Variants in ARB2A observed in about 807,000 individuals in gnomAD.
The protein encoded by ARB2A is cotranscriptional regulator ARB2A.
the ARB2A span, chr5:93,958,760 C>A: frequency 4.1e-6 from 6 of 1,464,124 alleles, no homozygotes; most frequent in East Asian, 2.4e-5. Flanking sequence ...AAAAAAAACC[C>A]AGGAAATTGT....
At chr5:93,709,431 G>A in the ARB2A span, among the ~76,000 whole-genome samples, 37 of 151,844 alleles carry the variant, frequency 2.4e-4, no homozygotes, top group Admixed American at 9.2e-4. Flanking sequence ...TCAGGAGTTC[G>A]AGACAAGCCT....
the ARB2A span, chr5:94,053,230 A>G: frequency 7.0e-7 from 1 of 1,424,416 alleles, no homozygotes; most frequent in Non-Finnish European, 9.6e-7. Context: ...TAATAAATCT[A>G]GAAAAGAAAT....
chr5:94,068,110 T>A, the ARB2A span, among the ~76,000 whole-genome samples: 3 of 152,188 alleles, frequency 2.0e-5, no homozygotes, highest in Non-Finnish European at 4.4e-5. Flanking sequence ...ACTCCCAACA[T>A]GGCAGCAAGC....
the ARB2A span, among the ~76,000 whole-genome samples, chr5:93,949,297 G>C: frequency 1.3e-5 from 2 of 151,818 alleles, no homozygotes; most frequent in East Asian, 3.9e-4. Flanking sequence ...ATTACTTATT[G>C]TATGCCTGTA....
the ARB2A span, among the ~76,000 whole-genome samples, chr5:93,933,006 C>T: frequency 6.6e-6 from 1 of 152,128 alleles, no homozygotes; most frequent in African/African-American, 2.4e-5. Flanking sequence ...TGAACAGACA[C>T]TTATCAAAAG....
At chr5:94,036,018 T>TA in the ARB2A span, among the ~76,000 whole-genome samples, 88 of 151,376 alleles carry the variant, frequency 5.8e-4, no homozygotes, top group Non-Finnish European at 1.1e-3. Flanking sequence ...AAAATAAAAT[T>TA]AAAAAAAACA....
the ARB2A span, among the ~76,000 whole-genome samples, chr5:94,080,990 C>G: frequency 6.6e-6 from 1 of 152,100 alleles, no homozygotes; most frequent in African/African-American, 2.4e-5. Context: ...ATAAAGAACT[C>G]TTGCAACTCA....
the ARB2A span, among the ~76,000 whole-genome samples, chr5:93,812,136 T>C: frequency 1.3e-5 from 2 of 152,100 alleles, no homozygotes; most frequent in African/African-American, 4.8e-5. Context: ...ATCTAATATA[T>C]TACTACATAT....
chr5:93,873,291 CA>C, the ARB2A span, among the ~76,000 whole-genome samples: 46 of 10,108 alleles, frequency 4.6e-3, 3 homozygotes, highest in East Asian at 0.014. Flanking sequence ...GACCCTGTCT[CA>C]AAAAAAAAAG....
the ARB2A span, among the ~76,000 whole-genome samples, chr5:93,936,136 G>A: frequency 3.3e-5 from 5 of 152,034 alleles, no homozygotes; most frequent in Non-Finnish European, 7.4e-5. Flanking sequence ...AATTTAAACC[G>A]ATTAAAATCT....
chr5:93,847,919 T>C, the ARB2A span, among the ~76,000 whole-genome samples: 1 of 152,254 alleles, frequency 6.6e-6, no homozygotes, highest in Non-Finnish European at 1.5e-5. Flanking sequence ...CATAGCACCT[T>C]GCAGTTCACA....
chr5:93,753,250 C>T, the ARB2A span, among the ~76,000 whole-genome samples: 1 of 152,166 alleles, frequency 6.6e-6, no homozygotes, highest in African/African-American at 2.4e-5. Flanking sequence ...TTTTTCATTG[C>T]TATCTTTAGA....
the ARB2A span, among the ~76,000 whole-genome samples, chr5:93,978,338 C>T: frequency 1.7e-4 from 26 of 152,184 alleles, no homozygotes; most frequent in South Asian, 6.2e-4. Context: ...GCACTATTCA[C>T]AATAGCAAAG....
the ARB2A span, among the ~76,000 whole-genome samples, chr5:94,037,440 C>T: frequency 3.0e-4 from 45 of 152,108 alleles, no homozygotes; most frequent in East Asian, 8.7e-3. Context: ...CAAACTAAAC[C>T]ATTATAACAG....
At chr5:93,831,942 C>A in the ARB2A span, among the ~76,000 whole-genome samples, 1 of 152,068 alleles carries the variant, frequency 6.6e-6, no homozygotes, top group Admixed American at 6.5e-5. Flanking sequence ...GACTTTTAAA[C>A]CAAATATTCT....
chr5:93,911,720 C>A, the ARB2A span, among the ~76,000 whole-genome samples: 1 of 151,616 alleles, frequency 6.6e-6, no homozygotes, highest in Non-Finnish European at 1.5e-5. Flanking sequence ...TGTCTGAGAT[C>A]TGAGTGATTG....
the ARB2A span, among the ~76,000 whole-genome samples, chr5:93,783,179 T>C: frequency 2.6e-5 from 4 of 152,112 alleles, no homozygotes; most frequent in Middle Eastern, 3.2e-3. Context: ...ATACTAGTTA[T>C]GTGAGCGGGG....
the ARB2A span, among the ~76,000 whole-genome samples, chr5:94,002,171 C>T: frequency 9.2e-5 from 14 of 151,956 alleles, no homozygotes; most frequent in Admixed American, 3.9e-4. Flanking sequence ...TGATAATACC[C>T]CAACAAGTTA....
the ARB2A span, among the ~76,000 whole-genome samples, chr5:93,761,838 G>A: frequency 6.6e-6 from 1 of 152,172 alleles, no homozygotes; most frequent in Non-Finnish European, 1.5e-5. Context: ...CACACGGCCA[G>A]GTACTCCTCT....
Sources: gnomAD v4.1 joint callset for allele counts (sites outside exome capture counted in the v4.1 genomes callset) on GRCh38, gnomAD v4.1.1 for gene constraint, MANE v1.5 for transcripts, NCBI Gene and HGNC (gene_info 2026-07-23, HGNC 2026-07-21) for gene names.